PCLO: variants seen among roughly 807,000 people sequenced by gnomAD.
The protein encoded by PCLO is protein piccolo.
In PCLO, 82 loss-of-function variants were observed where a neutral mutation model predicts 427.5. The ratio of observed to expected loss-of-function variants is 0.19; its 90% CI spans 0.16 to 0.23. The LOEUF is 0.23. Among genes scored for constraint, PCLO ranks in the 10% least tolerant of loss-of-function variants. The pLI is 1.00. For missense variants in PCLO, 6,239 were observed against 6,115.9 expected, an observed-to-expected ratio of 1.02 and a Z score of -0.67; for synonymous variants, 2,357 against 2,155.4, an observed-to-expected ratio of 1.09 and a Z score of -2.59.
At chr7:82,789,301 G>C (rs1032475877) in intron 22 of PCLO, among the ~76,000 whole-genome samples, 1 of 152,130 alleles carries the variant, frequency 6.6e-6, no homozygotes, top group Non-Finnish European at 1.5e-5. Flanking sequence ...CAATTAGATT[G>C]ATTCAATTAG....
chr7:82,872,718 C>T (rs1039715714), intron 10 of PCLO, among the ~76,000 whole-genome samples: 1 of 151,896 alleles, frequency 6.6e-6, no homozygotes, highest in African/African-American at 2.4e-5. Context: ...TAAAGCAAAC[C>T]AAAACTATAA....
At position 83,134,431 on chromosome 7, in the gene PCLO, G is replaced by A. The variant is rs202143486; in HGVS notation, c.3119C>T (p.Pro1040Leu). 1 of 1,613,820 alleles carries A rather than the reference G, an allele frequency of 6.2e-7. No homozygotes were observed. Among genetic ancestry groups the A allele is most frequent in the African/African-American group, 1.3e-5 (1 of 75,014 alleles). ...TTTTGTGGGAAGGACAGCCTTTTGA[G>A]GCTCAGCTGTTAAAGATTTGCTATC... is the stretch of plus-strand genomic sequence containing the variant. ...IKDSKSLTAEPQKAVLPTKLE... is the reference protein window; with the variant it reads ...IKDSKSLTAELQKAVLPTKLE... The change falls in exon 3 of 25, where the codon CCT (proline) becomes CTT (leucine). Residue 1040 changes from proline (P) to leucine (L), a missense_variant. Pro to Leu is a moderately conservative substitution (Grantham distance 98). Around this residue, in one of 5 missense-constraint regions of PCLO, gnomAD observed 4,677 missense variants for 4,468.4 expected, o/e 1.05. Coordinates refer to ENST00000333891, the MANE Select transcript of PCLO (RefSeq NM_033026.6).
At chr7:82,870,742 CA>C (rs201176339) in intron 10 of PCLO, among the ~76,000 whole-genome samples, 18 of 150,882 alleles carry the variant, frequency 1.2e-4, no homozygotes, top group African/African-American at 4.1e-4. Flanking sequence ...AACTTAATAG[CA>C]AAAAAAACCC....
intron 3 of PCLO, among the ~76,000 whole-genome samples, chr7:83,029,278 AC>A (rs1205543476): frequency 1.3e-5 from 2 of 151,262 alleles, no homozygotes; most frequent in African/African-American, 2.4e-5. Context: ...AAAAAAAACA[AC>A]CCCATCAAAA....
intron 18 of PCLO, among the ~76,000 whole-genome samples, chr7:82,825,821 T>C (rs969281569): frequency 2.0e-5 from 3 of 148,130 alleles, no homozygotes; most frequent in African/African-American, 4.9e-5. Context: ...CAATGTATAA[T>C]ATACGTATAT....
At chr7:82,983,889 G>C (rs995012464) in intron 3 of PCLO, among the ~76,000 whole-genome samples, 3 of 151,904 alleles carry the variant, frequency 2.0e-5, no homozygotes, top group Non-Finnish European at 4.4e-5. Flanking sequence ...ATCCTAGACT[G>C]AATAGGGCTA....
chr7:82,838,222 T>TGAG lies in PCLO; in HGVS notation c.14217_14218insCTC (p.Gly4739_Arg4740insLeu). 6.3e-7 allele frequency: 1 copy of TGAG among 1,598,672 alleles called. No homozygotes were observed. The highest frequency in any genetic ancestry group is 8.5e-7 in the Non-Finnish European group (1 of 1,169,790). ...GTACTTCTTAATTTTACTTACCCTC[T>TGAG]CCCTGGAAGAAGGTACACTTTCACA... is the stretch of plus-strand genomic sequence containing the variant. On this transcript the variant is annotated inframe_insertion, in exon 15 of 25. Coordinates refer to ENST00000333891, the MANE Select transcript of PCLO (RefSeq NM_033026.6).
Position 82,758,661 on chromosome 7 carries a change from C to T in PCLO, c.15343G>A (p.Ala5115Thr), listed in dbSNP as rs1285469095. 6.2e-7 allele frequency: 1 copy of T among 1,609,632 alleles called. No homozygotes were observed. Among genetic ancestry groups the T allele is most frequent in the Non-Finnish European group, 8.5e-7 (1 of 1,176,614 alleles). ...KFMKKTLIGE[A>T]CIWLDKVDLR... ...TCCACTTTGTCAAGCCAGATACAGG[C>T]TTCACCAATCAAGGTCTTTTTCATA... Residue 5115 changes from alanine to threonine, a missense_variant, in exon 25 of 25, where the codon GCC becomes ACC. This residue lies in a region of PCLO where 877 missense variants were observed against 925.5 expected (regional missense o/e 0.95). Coordinates refer to ENST00000333891, the MANE Select transcript of PCLO (RefSeq NM_033026.6).
chr7:83,157,209 A>G (rs191746580), intron 1 of PCLO, among the ~76,000 whole-genome samples: 1 of 152,288 alleles, frequency 6.6e-6, no homozygotes, highest in East Asian at 1.9e-4. Flanking sequence ...ACATTACAGA[A>G]TGAGAATTTC....
intron 20 of PCLO, chr7:82,822,091 G>C: frequency 1.0e-6 from 1 of 998,872 alleles, no homozygotes. Context: ...ACTTATATGT[G>C]TGCACTTTTT....
Position 83,155,355 on chromosome 7 carries a change from G to C in PCLO, c.1286C>G (p.Ser429Cys), listed in dbSNP as rs1317136359. Residue 429 changes from serine (S) to cysteine (C), a missense_variant, in exon 2 of 25, where the codon TCT becomes TGT. Physicochemically the swap from Ser to Cys is moderately radical, Grantham distance 112 (BLOSUM62 -1). Transcript: ENST00000333891. ...KPLAQQPGLQ[S>C]PAKAPGPTKT... ...TGTAGGCCCAGGTGCCTTAGCTGGA[G>C]ACTGTAGCCCAGGTTGTTGAGCTAG... 25 of 1,613,824 alleles carry C rather than the reference G, an allele frequency of 1.5e-5. No individual in the cohort carries two copies. The highest frequency in any genetic ancestry group is 1.9e-5 in the Non-Finnish European group (22 of 1,179,850).
intron 6 of PCLO, 134 bp from the exon 7 acceptor site, chr7:82,917,007 A>C: frequency 1.8e-6 from 1 of 569,384 alleles, no homozygotes; most frequent in Non-Finnish European, 2.9e-6. Flanking sequence ...AATAAAATAT[A>C]TGCATATAAT....
At chr7:83,146,235 C>T (rs527545713) in intron 2 of PCLO, among the ~76,000 whole-genome samples, 17 of 152,228 alleles carry the variant, frequency 1.1e-4, no homozygotes, top group African/African-American at 3.1e-4. Context: ...ATATACTTTT[C>T]GGTGAATTCA....
intron 3 of PCLO, among the ~76,000 whole-genome samples, chr7:83,006,868 A>T (rs1787958078): frequency 6.6e-6 from 1 of 151,514 alleles, no homozygotes; most frequent in African/African-American, 2.4e-5. Context: ...CATATTTAAA[A>T]TTGAAATTCT....
At chr7:82,927,359 T>C (rs1233938951) in intron 6 of PCLO, among the ~76,000 whole-genome samples, 1 of 152,196 alleles carries the variant, frequency 6.6e-6, no homozygotes, top group Non-Finnish European at 1.5e-5. Context: ...TTAATTATCA[T>C]TCTATGTGTA....
At chr7:83,074,440 C>T (rs1789900320) in intron 3 of PCLO, among the ~76,000 whole-genome samples, 1 of 151,750 alleles carries the variant, frequency 6.6e-6, no homozygotes, top group African/African-American at 2.4e-5. Context: ...CTAGTGAGGC[C>T]CAATTATGTA....
At chr7:82,981,206 T>C (rs1198372804) in intron 3 of PCLO, among the ~76,000 whole-genome samples, 13 of 149,238 alleles carry the variant, frequency 8.7e-5, no homozygotes, top group African/African-American at 3.2e-4. Context: ...ATTCTGGGGG[T>C]GGGAGGGACA....
At chr7:83,079,285 C>G (rs1438364402) in intron 3 of PCLO, among the ~76,000 whole-genome samples, 1 of 152,092 alleles carries the variant, frequency 6.6e-6, no homozygotes, top group African/African-American at 2.4e-5. Context: ...ATAAAAACTA[C>G]AGTATGGCCT....
At chr7:83,057,465 C>T (rs1789429143) in intron 3 of PCLO, among the ~76,000 whole-genome samples, 1 of 144,350 alleles carries the variant, frequency 6.9e-6, no homozygotes, top group Non-Finnish European at 1.5e-5. Context: ...GGGTTCACGC[C>T]ATTCTCCTGC....
Sources: allele counts gnomAD v4.1 joint callset (sites outside exome capture counted in the v4.1 genomes callset), GRCh38; gene constraint gnomAD v4.1.1; regional missense constraint gnomAD v4.1.1; transcripts MANE v1.5; gene names NCBI Gene and HGNC (gene_info 2026-07-23, HGNC 2026-07-21).